TSHZ3: variants seen among roughly 807,000 people sequenced by gnomAD.
TSHZ3 encodes teashirt homolog 3.
In TSHZ3, 10 loss-of-function variants were observed where a neutral mutation model predicts 64.5. The ratio of observed to expected loss-of-function variants is 0.16; its 90% CI spans 0.10 to 0.26. The LOEUF (loss-of-function observed/expected upper bound fraction) is 0.26. Among genes scored for constraint, TSHZ3 ranks in the 10% least tolerant of loss-of-function variants. TSHZ3 has a pLI of 1.00. For synonymous variants in TSHZ3, 608 were observed against 593.1 expected (o/e 1.03, Z -0.36); for missense variants, 1,242 against 1,421.7 (o/e 0.87, Z 2.03).
intron 1 of TSHZ3, among the ~76,000 whole-genome samples, chr19:31,263,953 T>C (rs1271992902): frequency 6.6e-6 from 1 of 152,210 alleles, no homozygotes; most frequent in Non-Finnish European, 1.5e-5. Flanking sequence ...AGCTCCAGCC[T>C]TGGCTCTGCC....
chr19:31,349,104 G>C (rs1472404132), intron 1 of TSHZ3, 76 bp downstream of exon 1: 5 of 1,497,262 alleles, frequency 3.3e-6, no homozygotes, highest in African/African-American at 1.4e-5. Context: ...GAGGAGCGGG[G>C]TCGCGCCCGC....
chr19:31,345,315 G>T (rs1917555763), intron 1 of TSHZ3, among the ~76,000 whole-genome samples: 2 of 152,164 alleles, frequency 1.3e-5, no homozygotes, highest in Non-Finnish European at 2.9e-5. Context: ...CAAAGCTAAG[G>T]CCGAAATGCC....
intron 1 of TSHZ3, among the ~76,000 whole-genome samples, chr19:31,302,788 G>A (rs1976776218): frequency 6.6e-6 from 1 of 152,200 alleles, no homozygotes; most frequent in Non-Finnish European, 1.5e-5. Flanking sequence ...GAAGTGAGAT[G>A]TATACTGAGG....
chr19:31,217,114 G>A (rs1269216790), intron 4 of TSHZ3, among the ~76,000 whole-genome samples: 1 of 152,166 alleles, frequency 6.6e-6, no homozygotes, highest in Non-Finnish European at 1.5e-5. Context: ...GGCAGCTTTT[G>A]AATGGAGACA....
intron 1 of TSHZ3, among the ~76,000 whole-genome samples, chr19:31,247,291 A>G (rs1975768579): frequency 6.6e-6 from 1 of 152,208 alleles, no homozygotes. Context: ...GAATGGAGAA[A>G]GCTGGCAACA....
chr19:31,274,431 G>A (rs575147899), downstream of TSHZ3, among the ~76,000 whole-genome samples: 2 of 152,206 alleles, frequency 1.3e-5, no homozygotes, highest in East Asian at 3.9e-4. Flanking sequence ...TAACACAGGA[G>A]GGAGAACCTT....
chr19:31,268,341 G>C (rs1034393274), intron 1 of TSHZ3, among the ~76,000 whole-genome samples: 1 of 152,112 alleles, frequency 6.6e-6, no homozygotes, highest in Admixed American at 6.5e-5. Flanking sequence ...GGGTTGGCAG[G>C]GTGCCTCTCA....
intron 5 of TSHZ3, among the ~76,000 whole-genome samples, chr19:31,178,113 T>C (rs1440165559): frequency 6.6e-6 from 1 of 152,164 alleles, no homozygotes; most frequent in Non-Finnish European, 1.5e-5. Context: ...CATATGAAGA[T>C]ACTTAGCTCA....
At chr19:31,322,472 A>G (rs1381775418) in intron 1 of TSHZ3, among the ~76,000 whole-genome samples, 2 of 151,706 alleles carry the variant, frequency 1.3e-5, no homozygotes, top group African/African-American at 4.8e-5. Context: ...CCAGGCTGCA[A>G]TGCAGTGGTG....
At chr19:31,288,387 A>G (rs1440007188) in intron 1 of TSHZ3, among the ~76,000 whole-genome samples, 2 of 152,160 alleles carry the variant, frequency 1.3e-5, no homozygotes, top group Non-Finnish European at 2.9e-5. Flanking sequence ...GAGGCTCACA[A>G]GGCATCTTGA....
At chr19:31,192,028 A>G (rs796956006) in intron 5 of TSHZ3, among the ~76,000 whole-genome samples, 12 of 152,366 alleles carry the variant, frequency 7.9e-5, no homozygotes, top group African/African-American at 2.2e-4. Context: ...ATAGAAATGT[A>G]CTATTGGAAT....
At chr19:31,333,566 T>G (rs1212721685) in intron 1 of TSHZ3, among the ~76,000 whole-genome samples, 4 of 151,952 alleles carry the variant, frequency 2.6e-5, no homozygotes, top group Non-Finnish European at 5.9e-5. Context: ...CAGATCCACT[T>G]TATAAACCAC....
chr19:31,294,296 C>T (rs1976626199), intron 1 of TSHZ3, among the ~76,000 whole-genome samples: 1 of 152,040 alleles, frequency 6.6e-6, no homozygotes, highest in African/African-American at 2.4e-5. Flanking sequence ...TCATCCAGGA[C>T]TCAGCCAGCA....
rs931727668 is a variant in TSHZ3 at position 31,342,343 on chromosome 19, T to A, written c.40+6837A>T. Among the ~76,000 whole-genome samples, 5 of 152,320 alleles carry A rather than the reference T, an allele frequency of 3.3e-5. No homozygotes were observed. The South Asian group carries it at 1.0e-3, about 32-fold the overall frequency. Reference sequence around the variant, plus strand: ...GGGAAAAAGCTGTATTCTCTTAAAATTGAACTCATGCTTTTTGCTTAATAG... The same window carrying A: ...GGGAAAAAGCTGTATTCTCTTAAAAATGAACTCATGCTTTTTGCTTAATAG... On this transcript the variant is annotated intron_variant, in intron 1 of 1. Transcript: ENST00000240587.
At chr19:31,211,580 G>A (rs1433763504) in intron 4 of TSHZ3, among the ~76,000 whole-genome samples, 2 of 152,200 alleles carry the variant, frequency 1.3e-5, no homozygotes, top group Non-Finnish European at 2.9e-5. Context: ...AGGACACAGA[G>A]GAAGGAAAAG....
At chr19:31,200,789 T>G (rs1332399849) in intron 5 of TSHZ3, among the ~76,000 whole-genome samples, 1 of 151,994 alleles carries the variant, frequency 6.6e-6, no homozygotes, top group East Asian at 1.9e-4. Flanking sequence ...ACCACCACAG[T>G]GTGGGCTGTT....
intron 4 of TSHZ3, among the ~76,000 whole-genome samples, chr19:31,209,297 G>A (rs768938041): frequency 1.4e-4 from 22 of 152,228 alleles, no homozygotes; most frequent in Non-Finnish European, 1.6e-4. Flanking sequence ...ATGAAAAGAA[G>A]AGTATTCCTT....
chr19:31,194,392 G>C (rs1452874539), intron 5 of TSHZ3, among the ~76,000 whole-genome samples: 4 of 152,172 alleles, frequency 2.6e-5, no homozygotes, highest in Admixed American at 2.6e-4. Flanking sequence ...TATTCAACCA[G>C]AGCCTAACCT....
At chr19:31,220,854 C>G (rs951514767) in intron 4 of TSHZ3, among the ~76,000 whole-genome samples, 99 of 152,196 alleles carry the variant, frequency 6.5e-4, no homozygotes, top group African/African-American at 2.3e-3. Flanking sequence ...GAGCACATAG[C>G]AATATTTATG....
Sources: gnomAD v4.1 joint callset for allele counts (sites outside exome capture counted in the v4.1 genomes callset) on GRCh38, gnomAD v4.1.1 for gene constraint, MANE v1.5 for transcripts, NCBI Gene and HGNC (gene_info 2026-07-23, HGNC 2026-07-21) for gene names.